EMC2: variants seen among roughly 807,000 people sequenced by gnomAD.
EMC2 encodes TPR repeat protein 35.
Under a neutral mutation model 51.6 loss-of-function variants are expected in EMC2, and 37 were observed. The ratio of observed to expected loss-of-function variants is 0.72; its 90% CI spans 0.55 to 0.94. The LOEUF is 0.94. EMC2 is among the 40% of genes least tolerant of loss of function. The pLI is 0.00. For synonymous variants in EMC2, 131 were observed against 112.4 expected (o/e 1.17, Z -1.04); for missense variants, 359 against 350.9 (o/e 1.02, Z -0.18).
At chr8:108,467,854 G>T (rs1810760487) in intron 5 of EMC2, among the ~76,000 whole-genome samples, 1 of 152,170 alleles carries the variant, frequency 6.6e-6, no homozygotes, top group Non-Finnish European at 1.5e-5. Flanking sequence ...GAATTTTGTG[G>T]CAAGGTTTAA....
chr8:108,486,416 T>A, intron 10 of EMC2, 96 bp from the exon 11 acceptor site: 2 of 1,372,148 alleles, frequency 1.5e-6, no homozygotes, highest in Non-Finnish European at 1.9e-6. Context: ...GATAAAATAG[T>A]CAATGTTAAG....
At chr8:108,461,609 A>G (rs894965454) in intron 5 of EMC2, among the ~76,000 whole-genome samples, 1 of 152,192 alleles carries the variant, frequency 6.6e-6, no homozygotes, top group Non-Finnish European at 1.5e-5. Context: ...CCTGCTTAGG[A>G]AAGAAGGAAT....
intron 10 of EMC2, among the ~76,000 whole-genome samples, chr8:108,481,536 A>T (rs375740030): frequency 5.3e-5 from 8 of 152,272 alleles, no homozygotes; most frequent in African/African-American, 1.9e-4. Context: ...AAGATATGAG[A>T]AACAGCTACT....
intron 2 of EMC2, 26 bp downstream of exon 2, chr8:108,449,962 T>A: frequency 9.7e-7 from 1 of 1,027,800 alleles, no homozygotes; most frequent in Non-Finnish European, 1.5e-6. Context: ...ACATTCAGGC[T>A]CAGTACATGC....
intron 1 of EMC2, among the ~76,000 whole-genome samples, chr8:108,448,154 C>T (rs1818925822): frequency 6.6e-6 from 1 of 152,026 alleles, no homozygotes; most frequent in Non-Finnish European, 1.5e-5. Flanking sequence ...AACTATTGTA[C>T]GAACCAAGCA....
intron 10 of EMC2, among the ~76,000 whole-genome samples, chr8:108,483,137 A>T (rs941813987): frequency 1.3e-5 from 2 of 152,118 alleles, no homozygotes; most frequent in African/African-American, 4.8e-5. Context: ...CTTCTGCAAG[A>T]TGGCCATAAT....
At chr8:108,475,694 G>A (rs570416464) in intron 7 of EMC2, 188 bp from the exon 8 acceptor site, 4 of 505,198 alleles carry the variant, frequency 7.9e-6, no homozygotes, top group African/African-American at 6.1e-5. Context: ...TTAATTTCAT[G>A]ATAAAATTTA....
At chr8:108,453,928 G>C (rs1313241630) in intron 4 of EMC2, among the ~76,000 whole-genome samples, 1 of 151,984 alleles carries the variant, frequency 6.6e-6, no homozygotes, top group Non-Finnish European at 1.5e-5. Flanking sequence ...AAGGATTGTT[G>C]TGTTTTTCTT....
At chr8:108,456,911 GT>G (rs939520428) in intron 5 of EMC2, among the ~76,000 whole-genome samples, 4 of 152,024 alleles carry the variant, frequency 2.6e-5, no homozygotes, top group African/African-American at 9.7e-5. Flanking sequence ...ACCAGGTTGA[GT>G]TTTTTTCTTT....
At chr8:108,474,606 T>C (rs1444431351) in intron 7 of EMC2, 1 of 151,776 alleles carries the variant, frequency 6.6e-6, no homozygotes, top group Non-Finnish European at 1.5e-5. Flanking sequence ...CCTTCATAAA[T>C]CTAAAATGCT....
chr8:108,486,487 G>GAT, intron 10 of EMC2, 25 bp from the exon 11 acceptor site: 2 of 1,270,608 alleles, frequency 1.6e-6, no homozygotes, highest in East Asian at 3.0e-5. Context: ...GCCTAATTGA[G>GAT]CTTTTTTTTT....
chr8:108,444,529 T>C (rs1818831633), intron 1 of EMC2, among the ~76,000 whole-genome samples: 1 of 152,104 alleles, frequency 6.6e-6, no homozygotes, highest in Non-Finnish European at 1.5e-5. Flanking sequence ...TTTAACATAA[T>C]ACAGGAGACT....
chr8:108,445,504 C>G (rs987528642), intron 1 of EMC2, among the ~76,000 whole-genome samples: 1 of 151,970 alleles, frequency 6.6e-6, no homozygotes, highest in Admixed American at 6.6e-5. Flanking sequence ...TAAACTTTAT[C>G]ATTTATCAAT....
intron 6 of EMC2, 50 bp from the exon 7 acceptor site, chr8:108,470,012 C>G (rs758918584): frequency 1.9e-6 from 3 of 1,554,382 alleles, no homozygotes; most frequent in Non-Finnish European, 2.7e-6. Context: ...TCATGCTGTT[C>G]ATTTACAGAA....
chr8:108,450,284 C>A, intron 2 of EMC2, 144 bp from the exon 3 acceptor site: 1 of 633,402 alleles, frequency 1.6e-6, no homozygotes, highest in African/African-American at 1.8e-5. Context: ...AGAATGCATT[C>A]TTAGTTTCAG....
chr8:108,453,656 G>C (rs1318490401), intron 4 of EMC2, among the ~76,000 whole-genome samples: 1 of 151,808 alleles, frequency 6.6e-6, no homozygotes, highest in Non-Finnish European at 1.5e-5. Flanking sequence ...TTTAAATTAT[G>C]ATTATTTTTA....
chr8:108,459,703 T>TGAGAGAGAGA (rs71303985), intron 5 of EMC2, among the ~76,000 whole-genome samples: 4,350 of 126,262 alleles, frequency 0.034, 110 homozygotes, highest in African/African-American at 0.055. Flanking sequence ...CCAAGCCATG[T>TGAGAGAGAGA]GAGAGAGAGA....
At position 108,443,652 on chromosome 8, in the gene EMC2, T is replaced by C; in HGVS notation, c.-7T>C. On this transcript the variant is annotated 5_prime_UTR_variant, in exon 1 of 11. Coordinates refer to ENST00000220853, the MANE Select transcript of EMC2 (RefSeq NM_014673.5). Reference sequence around the variant, plus strand: ...CTCTCACCCCGCTGCCTCTAGGTTCTGGGAAGATGGCGAAGGTCTCAGAGC... The same window carrying C: ...CTCTCACCCCGCTGCCTCTAGGTTCCGGGAAGATGGCGAAGGTCTCAGAGC... The C allele has an allele frequency of 5.6e-6, 9 of 1,608,708 alleles. No homozygotes were observed. Among genetic ancestry groups the C allele is most frequent in the Non-Finnish European group, 7.6e-6 (9 of 1,177,390 alleles).
intron 5 of EMC2, among the ~76,000 whole-genome samples, chr8:108,458,036 A>G (rs1819211699): frequency 6.6e-6 from 1 of 152,186 alleles, no homozygotes; most frequent in African/African-American, 2.4e-5. Flanking sequence ...GCCCAAACAA[A>G]GAGGCTACAG....
Sources: allele counts gnomAD v4.1 joint callset (sites outside exome capture counted in the v4.1 genomes callset), GRCh38; gene constraint gnomAD v4.1.1; transcripts MANE v1.5; gene names NCBI Gene and HGNC (gene_info 2026-07-23, HGNC 2026-07-21).